Variants in PRICKLE2 observed in about 807,000 individuals in gnomAD.
The protein encoded by PRICKLE2 is prickle planar cell polarity protein 2.
In PRICKLE2, 21 loss-of-function variants were observed where a neutral mutation model predicts 81.4. The observed-to-expected ratio is 0.26, with a 90% CI of 0.18 to 0.37. PRICKLE2 has a LOEUF of 0.37. PRICKLE2 is among the 10% of genes least tolerant of loss of function. PRICKLE2 has a pLI of 1.00. For missense variants in PRICKLE2, 940 were observed against 1,109.0 expected (o/e 0.85, Z 2.16); for synonymous variants, 456 against 421.5 (o/e 1.08, Z -1.00).
intron 7 of PRICKLE2, among the ~76,000 whole-genome samples, chr3:64,140,920 G>T (rs697267): frequency 0.58 from 87,966 of 152,040 alleles, 25,921 homozygotes; most frequent in East Asian, 0.86. Context: ...TTCTGACTGT[G>T]ATTATGACCC....
chr3:64,110,676 G>T (rs928871748), intron 7 of PRICKLE2, among the ~76,000 whole-genome samples: 5 of 152,110 alleles, frequency 3.3e-5, no homozygotes, highest in Non-Finnish European at 4.4e-5. Flanking sequence ...AAGTGTTCCA[G>T]GCAGAGGGAG....
At chr3:64,164,481 C>G (rs982090594) in intron 2 of PRICKLE2, among the ~76,000 whole-genome samples, 1 of 152,170 alleles carries the variant, frequency 6.6e-6, no homozygotes, top group Non-Finnish European at 1.5e-5. Context: ...TGCGAAAGCT[C>G]TGTCTACTTT....
intron 7 of PRICKLE2, among the ~76,000 whole-genome samples, chr3:64,109,978 G>C (rs376404108): frequency 1.3e-5 from 2 of 152,142 alleles, no homozygotes; most frequent in Non-Finnish European, 2.9e-5. Context: ...GGATAAATCA[G>C]TGACCCCAAT....
rs796818493 is a variant in PRICKLE2, at chr3:64,170,700, C to T, written c.145-7571G>A. On this transcript the variant is annotated intron_variant, in intron 2 of 7. Coordinates refer to ENST00000638394, the MANE Select transcript of PRICKLE2 (RefSeq NM_198859.4). ...CAAAGGTAGACCATGCCTCTAGAAA[C>T]ATTAAAAAAAAAAAAAAAAAAAAAA... Among the ~76,000 whole-genome samples, 13 of 109,586 alleles carry T rather than the reference C, an allele frequency of 1.2e-4. 1 individual carries two copies. Among genetic ancestry groups the T allele is most frequent in the African/African-American group, 5.0e-4 (13 of 26,118 alleles). 71.9% of individuals were successfully genotyped at this position (109,586 alleles called of 152,430 possible).
rs150352441 is a variant in PRICKLE2, at chr3:64,253,527, A to C, written c.129-54560T>G. On this transcript the variant is annotated intron_variant, in intron 2 of 8. Coordinates refer to the PRICKLE2 transcript ENST00000295902. The stretch of plus-strand genomic sequence containing the variant: ...AAAGATTGGCCTAAAAATAACACCC[A>C]AGTTCACTACTCTAGATGATGAATT... Among the ~76,000 whole-genome samples, 609 of 152,280 alleles carry C rather than the reference A, an allele frequency of 4.0e-3. 5 individuals carry two copies. Among genetic ancestry groups the C allele is most frequent in the African/African-American group, 0.014 (572 of 41,540 alleles).
chr3:64,186,643 C>T (rs1329545988), intron 2 of PRICKLE2, among the ~76,000 whole-genome samples: 1 of 152,140 alleles, frequency 6.6e-6, no homozygotes, highest in Non-Finnish European at 1.5e-5. Flanking sequence ...GAAATCACAC[C>T]TATACTAACA....
intron 7 of PRICKLE2, among the ~76,000 whole-genome samples, chr3:64,131,258 ACTC>A (rs1488060250): frequency 1.3e-5 from 2 of 152,004 alleles, no homozygotes; most frequent in Admixed American, 6.6e-5. Flanking sequence ...TTCCTGCTGA[ACTC>A]CTGGACCTCA....
At chr3:64,261,458 T>C (rs1429677545) in intron 2 of PRICKLE2, among the ~76,000 whole-genome samples, 1 of 152,052 alleles carries the variant, frequency 6.6e-6, no homozygotes. Flanking sequence ...GGGACAGGCT[T>C]GTCATATTGA....
intron 5 of PRICKLE2, 93 bp downstream of exon 5, chr3:64,157,069 C>A: frequency 8.3e-7 from 1 of 1,198,988 alleles, no homozygotes; most frequent in Non-Finnish European, 1.2e-6. Flanking sequence ...TTGCCTATGG[C>A]TTTCTTCAGT....
chr3:64,160,822 A>G (rs1486438431), intron 3 of PRICKLE2, among the ~76,000 whole-genome samples: 2 of 152,220 alleles, frequency 1.3e-5, no homozygotes, highest in African/African-American at 2.4e-5. Flanking sequence ...GAATTGTGCT[A>G]TATTCTTGCA....
chr3:64,162,101 G>GA (rs202113673), intron 3 of PRICKLE2, among the ~76,000 whole-genome samples: 449 of 152,216 alleles, frequency 2.9e-3, no homozygotes, highest in African/African-American at 9.7e-3. Context: ...AAATAAGACT[G>GA]AAAAGCACTC....
chr3:64,245,562 G>A lies in PRICKLE2; in HGVS notation c.129-46595C>T, dbSNP rs2079335144. ...TAACCTTGAAGAGGTGACGTGTGTT[G>A]CAACAGACTTTAGGAGGTTGCACTG... On this transcript the variant is annotated intron_variant, in intron 2 of 8. Coordinates refer to the PRICKLE2 transcript ENST00000295902. Among the ~76,000 whole-genome samples, 3 of 152,188 alleles carry A rather than the reference G, an allele frequency of 2.0e-5. No homozygotes were observed. In the South Asian group the frequency reaches 6.2e-4, roughly 31 times the overall value.
At chr3:64,267,240 C>A (rs929745491) in intron 2 of PRICKLE2, among the ~76,000 whole-genome samples, 2 of 152,110 alleles carry the variant, frequency 1.3e-5, no homozygotes, top group African/African-American at 4.8e-5. Flanking sequence ...ACTATACACT[C>A]CCCCATGTAG....
intron 2 of PRICKLE2, among the ~76,000 whole-genome samples, chr3:64,187,816 A>G (rs2078263016): frequency 6.6e-6 from 1 of 152,216 alleles, no homozygotes; most frequent in African/African-American, 2.4e-5. Context: ...CTGAAAGCTA[A>G]CGGTAAAGCT....
chr3:64,253,374 T>C (rs971551084), intron 2 of PRICKLE2, among the ~76,000 whole-genome samples: 1 of 152,196 alleles, frequency 6.6e-6, no homozygotes, highest in Non-Finnish European at 1.5e-5. Flanking sequence ...TACTAAATTA[T>C]GGGACCATCA....
At chr3:64,143,544 T>G (rs779710338) in intron 7 of PRICKLE2, among the ~76,000 whole-genome samples, 20 of 152,184 alleles carry the variant, frequency 1.3e-4, no homozygotes, top group Non-Finnish European at 2.9e-4. Context: ...CCTCTAGCCC[T>G]TCTGATTTCC....
intron 2 of PRICKLE2, among the ~76,000 whole-genome samples, chr3:64,185,749 G>A (rs2078217981): frequency 6.6e-6 from 1 of 152,290 alleles, no homozygotes. Context: ...TTGCTAAAGA[G>A]TAACTTCATT....
chr3:64,153,150 A>C (rs1302398836), intron 6 of PRICKLE2, 32 bp downstream of exon 6: 5 of 1,606,068 alleles, frequency 3.1e-6, no homozygotes, highest in Non-Finnish European at 4.3e-6. Flanking sequence ...GCATCACAGA[A>C]GGACCAAGCT....
At chr3:64,235,917 G>C (rs1559596894) in intron 2 of PRICKLE2, among the ~76,000 whole-genome samples, 1 of 152,060 alleles carries the variant, frequency 6.6e-6, no homozygotes, top group Non-Finnish European at 1.5e-5. Context: ...CCATCACACT[G>C]ATCTGCGTTG....
Sources: allele counts gnomAD v4.1 joint callset (sites outside exome capture counted in the v4.1 genomes callset), GRCh38; gene constraint gnomAD v4.1.1; transcripts MANE v1.5; gene names NCBI Gene and HGNC (gene_info 2026-07-23, HGNC 2026-07-21).